Variants in SUCLG2 observed in about 807,000 individuals in gnomAD.
SUCLG2 encodes the protein succinate-CoA ligase GDP-forming subunit beta.
Under a neutral mutation model 47.9 loss-of-function variants are expected in SUCLG2, and 42 were observed. The ratio of observed to expected loss-of-function variants is 0.88; its 90% CI spans 0.69 to 1.14. The LOEUF is 1.14. Ranked by LOEUF, SUCLG2 falls within the 50% of genes most tolerant of loss-of-function variation. The probability of loss-of-function intolerance (pLI) is 0.00; values close to 1 mark genes in which losing one functional copy is unlikely to be tolerated. For missense variants in SUCLG2, 571 were observed against 525.9 expected, an observed-to-expected ratio of 1.09 and a Z score of -0.84; for synonymous variants, 195 against 197.3, an observed-to-expected ratio of 0.99 and a Z score of 0.10.
chr3:67,601,512 T>C (rs1229365586), intron 2 of SUCLG2, among the ~76,000 whole-genome samples: 3 of 152,292 alleles, frequency 2.0e-5, no homozygotes, highest in Non-Finnish European at 4.4e-5. Context: ...TTTTCTGTTT[T>C]TCTGCATTTA....
chr3:67,520,819 TA>T (rs1278554476), intron 4 of SUCLG2, among the ~76,000 whole-genome samples, 185 bp from the exon 5 acceptor site: 2 of 152,312 alleles, frequency 1.3e-5, no homozygotes, highest in East Asian at 3.9e-4. Flanking sequence ...TTCACCTCCT[TA>T]ATTTTGATCC....
intron 9 of SUCLG2, among the ~76,000 whole-genome samples, chr3:67,487,527 C>T (rs540502638): frequency 2.3e-4 from 29 of 125,906 alleles, no homozygotes; most frequent in Non-Finnish European, 4.9e-4. Context: ...CAAACACACA[C>T]ACAGAGTCCT....
chr3:67,461,491 T>C (rs748959647), intron 9 of SUCLG2, among the ~76,000 whole-genome samples: 6 of 151,930 alleles, frequency 3.9e-5, no homozygotes, highest in Non-Finnish European at 8.8e-5. Context: ...TTCGGAATCA[T>C]ATATTATGTA....
At chr3:67,463,582 G>A (rs1704391215) in intron 9 of SUCLG2, among the ~76,000 whole-genome samples, 1 of 152,130 alleles carries the variant, frequency 6.6e-6, no homozygotes, top group Admixed American at 6.5e-5. Flanking sequence ...AATAAATAAG[G>A]AGAAGAGTAT....
At chr3:67,491,593 G>T (rs1356456945) in intron 9 of SUCLG2, among the ~76,000 whole-genome samples, 2 of 151,912 alleles carry the variant, frequency 1.3e-5, no homozygotes, top group African/African-American at 2.4e-5. Flanking sequence ...TTGAAATCCC[G>T]ACCTTCTGCC....
chr3:67,603,461 T>C (rs1299220930), intron 2 of SUCLG2, among the ~76,000 whole-genome samples: 2 of 152,226 alleles, frequency 1.3e-5, no homozygotes, highest in African/African-American at 4.8e-5. Context: ...GAACAAGTTA[T>C]CATATTGACG....
chr3:67,395,592 G>A (rs1213060170), intron 10 of SUCLG2, among the ~76,000 whole-genome samples: 2 of 152,172 alleles, frequency 1.3e-5, no homozygotes, highest in Non-Finnish European at 2.9e-5. Flanking sequence ...ACACCTCACT[G>A]TCAACATTAG....
At chr3:67,400,973 C>T (rs1702671276) in intron 9 of SUCLG2, 122 bp from the exon 10 acceptor site, 3 of 1,422,640 alleles carry the variant, frequency 2.1e-6, no homozygotes, top group South Asian at 2.7e-5. Flanking sequence ...TTGTTTTATA[C>T]AGAGCATAAA....
At chr3:67,593,696 T>G (rs987330978) in intron 2 of SUCLG2, among the ~76,000 whole-genome samples, 1 of 152,206 alleles carries the variant, frequency 6.6e-6, no homozygotes, top group East Asian at 1.9e-4. Flanking sequence ...CTGGTTTGCC[T>G]TAGGCTTTCT....
At chr3:67,407,799 T>C (rs1460063001) in intron 9 of SUCLG2, among the ~76,000 whole-genome samples, 1 of 152,222 alleles carries the variant, frequency 6.6e-6, no homozygotes, top group African/African-American at 2.4e-5. Context: ...ATTTTAATTC[T>C]GAATGTTGTT....
intron 9 of SUCLG2, among the ~76,000 whole-genome samples, chr3:67,407,768 T>C (rs937561664): frequency 6.6e-6 from 1 of 151,792 alleles, no homozygotes; most frequent in South Asian, 2.1e-4. Flanking sequence ...GATAAGGACT[T>C]TTTTAAAAAA....
At chr3:67,400,212 T>A (rs1026276986) in intron 10 of SUCLG2, among the ~76,000 whole-genome samples, 19 of 151,882 alleles carry the variant, frequency 1.3e-4, no homozygotes, top group South Asian at 4.1e-4. Flanking sequence ...AAAAATTTTT[T>A]AAAATATTTA....
intron 1 of SUCLG2, among the ~76,000 whole-genome samples, chr3:67,646,882 C>G (rs1278375106): frequency 6.6e-6 from 1 of 152,172 alleles, no homozygotes; most frequent in Non-Finnish European, 1.5e-5. Flanking sequence ...AAAGAGTACT[C>G]TACGCATTAA....
intron 9 of SUCLG2, among the ~76,000 whole-genome samples, chr3:67,464,685 TCA>T (rs1314948834): frequency 1.3e-5 from 2 of 152,210 alleles, no homozygotes; most frequent in Admixed American, 1.3e-4. Context: ...TTCTTATTAA[TCA>T]CATTTAGGCA....
chr3:67,526,032 A>G (rs1409694448), intron 4 of SUCLG2, among the ~76,000 whole-genome samples: 3 of 152,342 alleles, frequency 2.0e-5, no homozygotes, highest in East Asian at 3.9e-4. Context: ...AAGGACAAAA[A>G]TATATTGTTT....
At chr3:67,623,409 G>A (rs556681708) in intron 1 of SUCLG2, among the ~76,000 whole-genome samples, 10 of 152,302 alleles carry the variant, frequency 6.6e-5, no homozygotes, top group Admixed American at 5.9e-4. Context: ...GCTGAGGCAG[G>A]AGAATGGCGC....
chr3:67,614,967 T>C (rs934759136), intron 1 of SUCLG2, among the ~76,000 whole-genome samples: 8 of 152,212 alleles, frequency 5.3e-5, no homozygotes, highest in African/African-American at 1.9e-4. Context: ...ACCTAGGTTT[T>C]GTTCCCTTTG....
chr3:67,396,721 A>C (rs564885472), intron 10 of SUCLG2, among the ~76,000 whole-genome samples: 1 of 152,320 alleles, frequency 6.6e-6, no homozygotes, highest in Non-Finnish European at 1.5e-5. Context: ...CACAACCAAA[A>C]AAGAGAATTT....
intron 9 of SUCLG2, among the ~76,000 whole-genome samples, chr3:67,423,833 G>A (rs986112796): frequency 2.6e-5 from 4 of 152,132 alleles, no homozygotes; most frequent in African/African-American, 9.7e-5. Flanking sequence ...TTAAAACAGT[G>A]AGGTATCTTA....
Sources: gnomAD v4.1 joint callset for allele counts (sites outside exome capture counted in the v4.1 genomes callset) on GRCh38, gnomAD v4.1.1 for gene constraint, MANE v1.5 for transcripts, NCBI Gene and HGNC (gene_info 2026-07-23, HGNC 2026-07-21) for gene names.